Variants in SOX6 observed in about 807,000 individuals in gnomAD.
SOX6 encodes SRY-box transcription factor 6, also known as transcription factor SOX-6.
In SOX6, 11 loss-of-function variants were observed where a neutral mutation model predicts 97.8. The ratio of observed to expected loss-of-function variants is 0.11; its 90% CI spans 0.07 to 0.19. The LOEUF (loss-of-function observed/expected upper bound fraction) is 0.19. SOX6 is among the 10% of genes least tolerant of loss of function. SOX6 has a pLI of 1.00. For synonymous variants in SOX6, 360 were observed against 371.4 expected, an observed-to-expected ratio of 0.97 and a Z score of 0.35; for missense variants, 810 against 1,039.5, an observed-to-expected ratio of 0.78 and a Z score of 3.04.
At chr11:16,280,157 G>A (rs921554603) in intron 3 of SOX6, among the ~76,000 whole-genome samples, 8 of 152,072 alleles carry the variant, frequency 5.3e-5, no homozygotes, top group Non-Finnish European at 1.0e-4. Flanking sequence ...GTATGCGTAA[G>A]AGTCAAATAT....
At chr11:16,263,309 C>A (rs1273442678) in intron 3 of SOX6, among the ~76,000 whole-genome samples, 1 of 151,896 alleles carries the variant, frequency 6.6e-6, no homozygotes, top group Non-Finnish European at 1.5e-5. Context: ...CTCTGTATCA[C>A]AATACTAAGT....
At chr11:16,054,246 A>G (rs1005528933) in intron 10 of SOX6, among the ~76,000 whole-genome samples, 1 of 152,174 alleles carries the variant, frequency 6.6e-6, no homozygotes, top group South Asian at 2.1e-4. Context: ...TTAATACTCA[A>G]TAGCTCAAGT....
chr11:16,059,705 TTCACAAGCAGAGTCAG>T (rs1847899093), intron 9 of SOX6, among the ~76,000 whole-genome samples: 1 of 151,804 alleles, frequency 6.6e-6, no homozygotes, highest in South Asian at 2.1e-4. Context: ...GCAAGAAAAA[TTCACAAGCAGAGTCAG>T]TCACAAGCAG....
chr11:16,144,919 G>A (rs563653479), intron 6 of SOX6, among the ~76,000 whole-genome samples: 2 of 152,256 alleles, frequency 1.3e-5, no homozygotes, highest in Admixed American at 6.5e-5. Flanking sequence ...TCTACCAGAG[G>A]TACAAGGAGG....
intron 2 of SOX6, among the ~76,000 whole-genome samples, chr11:16,725,167 T>C (rs1178469955): frequency 6.6e-6 from 1 of 152,202 alleles, no homozygotes; most frequent in Non-Finnish European, 1.5e-5. Context: ...TACAATGGAA[T>C]CTTATTCAGC....
At chr11:16,212,087 T>C (rs1183233955) in intron 4 of SOX6, among the ~76,000 whole-genome samples, 1 of 152,134 alleles carries the variant, frequency 6.6e-6, no homozygotes, top group African/African-American at 2.4e-5. Context: ...CCCTCACCCA[T>C]CCTGTGACAA....
At chr11:16,331,159 T>C (rs1392943525) in intron 2 of SOX6, among the ~76,000 whole-genome samples, 2 of 152,170 alleles carry the variant, frequency 1.3e-5, no homozygotes, top group Non-Finnish European at 2.9e-5. Flanking sequence ...TTTCTTTTCA[T>C]CCTCCTTTGA....
intron 12 of SOX6, among the ~76,000 whole-genome samples, chr11:16,027,213 T>A (rs1184725881): frequency 6.6e-6 from 1 of 152,140 alleles, no homozygotes; most frequent in Non-Finnish European, 1.5e-5. Flanking sequence ...TGTCACAGCA[T>A]TTGCAGGAAT....
chr11:16,695,759 G>A (rs745881616), intron 3 of SOX6, among the ~76,000 whole-genome samples: 3 of 152,022 alleles, frequency 2.0e-5, no homozygotes, highest in East Asian at 1.9e-4. Context: ...AGACCTAGGC[G>A]GGCAGATTGC....
At chr11:16,629,209 C>G (rs1163439991) in intron 3 of SOX6, among the ~76,000 whole-genome samples, 1 of 152,126 alleles carries the variant, frequency 6.6e-6, no homozygotes, top group Non-Finnish European at 1.5e-5. Flanking sequence ...TTTTGCCATT[C>G]CAGCATGACA....
intron 4 of SOX6, among the ~76,000 whole-genome samples, chr11:16,226,147 T>C (rs1157843990): frequency 6.6e-6 from 1 of 152,116 alleles, no homozygotes; most frequent in Non-Finnish European, 1.5e-5. Context: ...ATCTGTTTAG[T>C]CAATTTTTTT....
At chr11:16,448,169 TC>T (rs1289745269) in intron 1 of SOX6, among the ~76,000 whole-genome samples, 1 of 152,212 alleles carries the variant, frequency 6.6e-6, no homozygotes, top group African/African-American at 2.4e-5. Context: ...ATCAGATTTT[TC>T]ACTTGGTTGG....
intron 1 of SOX6, among the ~76,000 whole-genome samples, chr11:16,470,795 C>T (rs547474877): frequency 6.6e-6 from 1 of 152,218 alleles, no homozygotes; most frequent in South Asian, 2.1e-4. Flanking sequence ...AAGATAATTC[C>T]TACTCATTCC....
intron 12 of SOX6, among the ~76,000 whole-genome samples, chr11:16,025,482 A>G (rs909531799): frequency 1.3e-5 from 2 of 152,190 alleles, no homozygotes; most frequent in African/African-American, 4.8e-5. Context: ...CAATAAAATT[A>G]ATGACCAGCT....
At chr11:16,239,482 G>T (rs1853120409) in intron 3 of SOX6, among the ~76,000 whole-genome samples, 1 of 151,976 alleles carries the variant, frequency 6.6e-6, no homozygotes, top group Admixed American at 6.6e-5. Flanking sequence ...CCCTAACCAA[G>T]AGTACGAATC....
chr11:16,688,706 T>C (rs1847987976), intron 3 of SOX6, among the ~76,000 whole-genome samples: 1 of 152,226 alleles, frequency 6.6e-6, no homozygotes, highest in Non-Finnish European at 1.5e-5. Flanking sequence ...ATTAATACTT[T>C]TTAATGTCAT....
chr11:16,500,552 C>G (rs1033796980), intron 4 of SOX6, among the ~76,000 whole-genome samples: 1 of 152,092 alleles, frequency 6.6e-6, no homozygotes, highest in Non-Finnish European at 1.5e-5. Context: ...GATTGTATAT[C>G]TAGAAACCCC....
intron 4 of SOX6, among the ~76,000 whole-genome samples, chr11:16,522,959 A>G (rs1861092898): frequency 6.6e-6 from 1 of 152,216 alleles, no homozygotes. Flanking sequence ...CACCCAATAC[A>G]GGAGCACCCA....
chr11:16,489,626 A>G (rs1860480653), intron 4 of SOX6, among the ~76,000 whole-genome samples: 1 of 152,160 alleles, frequency 6.6e-6, no homozygotes, highest in South Asian at 2.1e-4. Flanking sequence ...TTCCTTATCT[A>G]TAAAATGCAA....
Sources: gnomAD v4.1 joint callset for allele counts (sites outside exome capture counted in the v4.1 genomes callset) on GRCh38, gnomAD v4.1.1 for gene constraint, MANE v1.5 for transcripts, NCBI Gene and HGNC (gene_info 2026-07-23, HGNC 2026-07-21) for gene names.